The following HEATR3 variants were observed in gnomAD, a reference collection of about 807,000 sequenced individuals.
The protein encoded by HEATR3 is HEAT repeat containing 3.
A neutral mutation model predicts 72.8 loss-of-function variants in HEATR3; 56 were observed. The observed-to-expected ratio is 0.77, with a 90% confidence interval of 0.62 to 0.96. HEATR3 has a LOEUF of 0.96. Among genes scored for constraint, HEATR3 ranks in the 40% least tolerant of loss-of-function variants. The probability of loss-of-function intolerance (pLI) is 0.00; values close to 1 mark genes in which losing one functional copy is unlikely to be tolerated. For missense variants in HEATR3, 747 were observed against 831.4 expected, an observed-to-expected ratio of 0.90 and a Z score of 1.25; for synonymous variants, 331 against 318.1, an observed-to-expected ratio of 1.04 and a Z score of -0.43.
At chr16:50,078,459 A>G (rs1298092247) in intron 6 of HEATR3, among the ~76,000 whole-genome samples, 1 of 152,184 alleles carries the variant, frequency 6.6e-6, no homozygotes, top group Non-Finnish European at 1.5e-5. Flanking sequence ...TCACTTTGTC[A>G]TTTTAAAAGA....
At chr16:50,087,324 A>T (rs533990765) in intron 11 of HEATR3, among the ~76,000 whole-genome samples, 7 of 152,346 alleles carry the variant, frequency 4.6e-5, no homozygotes, top group South Asian at 4.1e-4. Flanking sequence ...TTAATTTCAT[A>T]TGCACACAAA....
intron 7 of HEATR3, among the ~76,000 whole-genome samples, chr16:50,083,392 A>G (rs1405018260): frequency 6.6e-6 from 1 of 152,098 alleles, no homozygotes; most frequent in Non-Finnish European, 1.5e-5. Context: ...TCTTAGAGAA[A>G]TGCTTTATTA....
intron 13 of HEATR3, among the ~76,000 whole-genome samples, chr16:50,101,100 G>A (rs1419051992): frequency 7.3e-6 from 1 of 137,606 alleles, no homozygotes; most frequent in Non-Finnish European, 1.5e-5. Context: ...AATGATACTT[G>A]CAAAGCTTTT....
At chr16:50,083,142 A>G (rs143995962) in intron 7 of HEATR3, among the ~76,000 whole-genome samples, 7 of 126,548 alleles carry the variant, frequency 5.5e-5, no homozygotes, top group South Asian at 2.6e-4. Flanking sequence ...TCTAAGGGGG[A>G]AAAAAAAAGA....
At chr16:50,104,893 A>G in intron 14 of HEATR3, 46 bp from the exon 15 acceptor site, 1 of 1,493,838 alleles carries the variant, frequency 6.7e-7, no homozygotes, top group Non-Finnish European at 9.0e-7. Context: ...AAATGAATTA[A>G]TCATATCTAC....
chr16:50,087,854 C>T (rs924455416), intron 11 of HEATR3, among the ~76,000 whole-genome samples: 2 of 152,104 alleles, frequency 1.3e-5, no homozygotes, highest in African/African-American at 2.4e-5. Context: ...AGGCCAGGCG[C>T]GGTGGCTCAC....
Position 50,066,032 on chromosome 16 carries a change from A to G in HEATR3, c.-100A>G. On this transcript the variant is annotated 5_prime_UTR_variant, in exon 1 of 15. Coordinates refer to ENST00000299192, the MANE Select transcript of HEATR3 (RefSeq NM_182922.4). ...GTGTGCTGCAGCCGTCAGCCGGCCC[A>G]GCTGAGCAGCAGCAACGGACCTTGT... The G allele has an allele frequency of 1.9e-6, 2 of 1,069,906 alleles. No individual in the cohort carries two copies. Among genetic ancestry groups the G allele is most frequent in the South Asian group, 1.3e-5 (1 of 74,270 alleles). 66.3% of individuals were successfully genotyped at this position (1,069,906 alleles called of 1,614,324 possible). A position where few individuals can be genotyped will look rare whatever the true frequency, so the allele number is the denominator to read the frequency against.
chr16:50,069,667 G>A (rs2036568875), intron 3 of HEATR3, among the ~76,000 whole-genome samples: 1 of 152,148 alleles, frequency 6.6e-6, no homozygotes. Context: ...AGTAGTACCT[G>A]GATTGAGAAG....
intron 11 of HEATR3, 76 bp downstream of exon 11, chr16:50,086,427 T>C: frequency 1.4e-6 from 2 of 1,444,966 alleles, no homozygotes; most frequent in Non-Finnish European, 1.9e-6. Context: ...ATTTTGTAAA[T>C]GTATATTGTT....
At chr16:50,077,169 T>C (rs902450032) in intron 6 of HEATR3, among the ~76,000 whole-genome samples, 7 of 146,750 alleles carry the variant, frequency 4.8e-5, no homozygotes, top group East Asian at 4.1e-4. Context: ...CCACCGCGCC[T>C]GGCCTAATTT....
At chr16:50,087,667 C>T (rs1334698952) in intron 11 of HEATR3, among the ~76,000 whole-genome samples, 1 of 152,202 alleles carries the variant, frequency 6.6e-6, no homozygotes, top group Non-Finnish European at 1.5e-5. Flanking sequence ...CCCTCTCTCT[C>T]AGCTGCTGAG....
intron 12 of HEATR3, among the ~76,000 whole-genome samples, chr16:50,095,648 C>T (rs1333408867): frequency 6.6e-6 from 1 of 151,990 alleles, no homozygotes; most frequent in Non-Finnish European, 1.5e-5. Flanking sequence ...CCACCTCAGC[C>T]TCCCAAGTAG....
chr16:50,082,736 A>G (rs866040337), intron 7 of HEATR3, among the ~76,000 whole-genome samples: 5 of 149,452 alleles, frequency 3.3e-5, no homozygotes, highest in Admixed American at 6.7e-5. Flanking sequence ...AGCTTGGGCA[A>G]TATACTGAGA....
At chr16:50,086,153 A>T in intron 10 of HEATR3, 62 bp from the exon 11 acceptor site, 1 of 1,470,974 alleles carries the variant, frequency 6.8e-7, no homozygotes, top group Non-Finnish European at 9.2e-7. Context: ...CTAAAAGTTA[A>T]TACTGAATTC....
chr16:50,066,022 C>A lies in HEATR3; in HGVS notation c.-110C>A. The A allele has an allele frequency of 4.2e-6, 5 of 1,189,410 alleles. No individual in the cohort carries two copies. Among genetic ancestry groups the A allele is most frequent in the Non-Finnish European group, 5.7e-6 (5 of 874,994 alleles). 73.7% of individuals were successfully genotyped at this position (1,189,410 alleles called of 1,614,324 possible). A position where few individuals can be genotyped will look rare whatever the true frequency, so the allele number is the denominator to read the frequency against. ...GCTTGCCCATGTGTGCTGCAGCCGT[C>A]AGCCGGCCCAGCTGAGCAGCAGCAA... is the stretch of plus-strand genomic sequence containing the variant. On this transcript the variant is annotated 5_prime_UTR_variant, in exon 1 of 15. Transcript: ENST00000299192.
chr16:50,093,513 G>T (rs2150620579), intron 11 of HEATR3, among the ~76,000 whole-genome samples: 1 of 152,308 alleles, frequency 6.6e-6, no homozygotes, highest in South Asian at 2.1e-4. Context: ...TGCAACTGGT[G>T]TCTAGAGGGT....
chr16:50,092,884 G>A (rs2037151399), intron 11 of HEATR3, among the ~76,000 whole-genome samples: 1 of 152,204 alleles, frequency 6.6e-6, no homozygotes, highest in Admixed American at 6.5e-5. Flanking sequence ...TGTTTTATGT[G>A]ATATTAGCTA....
rs760524080 is a variant in HEATR3 at position 50,084,147 on chromosome 16, C to T, written c.1146C>T (p.Asp382=). 2.2e-5 allele frequency: 35 copies of T among 1,613,996 alleles called. No homozygotes were observed. The highest frequency in any genetic ancestry group is 4.4e-5 in the South Asian group (4 of 91,084). ...NMCCNEDPSD[D]EWEELSSSDE... is the part of the protein sequence containing the mutation. The stretch of plus-strand genomic sequence containing the variant: ...CCCGCTTCCCAGATCCCTCTGATGA[C>T]GAATGGGAAGAGCTTTCTAGCAGTG... The change falls in exon 9 of 15, where the codon GAC becomes GAT. Residue 382 remains aspartate (D), a synonymous_variant. Coordinates refer to ENST00000299192, the MANE Select transcript of HEATR3 (RefSeq NM_182922.4).
chr16:50,088,526 C>G (rs991212807), intron 11 of HEATR3, among the ~76,000 whole-genome samples: 1 of 152,190 alleles, frequency 6.6e-6, no homozygotes, highest in African/African-American at 2.4e-5. Context: ...ACGGGACAAG[C>G]ACTGGAGTAC....
Sources: allele counts gnomAD v4.1 joint callset (sites outside exome capture counted in the v4.1 genomes callset), GRCh38; gene constraint gnomAD v4.1.1; transcripts MANE v1.5; gene names NCBI Gene and HGNC (gene_info 2026-07-23, HGNC 2026-07-21).